Variants in GYG2 observed in about 807,000 individuals in gnomAD.
The protein encoded by GYG2 is glycogenin-2.
Under a neutral mutation model 29.4 loss-of-function variants are expected in GYG2, and 29 were observed. The ratio of observed to expected loss-of-function variants is 0.99; its 90% CI spans 0.74 to 1.35. The LOEUF (loss-of-function observed/expected upper bound fraction) is 1.35, where lower values mean the gene tolerates loss of function less well. GYG2 is among the 40% of genes most tolerant of loss of function. The probability of loss-of-function intolerance (pLI) is 0.00; values close to 1 mark genes in which losing one functional copy is unlikely to be tolerated. For synonymous variants in GYG2, 167 were observed against 172.3 expected (o/e 0.97, Z 0.24); for missense variants, 370 against 385.7 (o/e 0.96, Z 0.34).
intron 9 of GYG2, 39 bp from the exon 10 acceptor site, chrX:2,877,161 A>T (rs756285211): frequency 2.5e-5 from 30 of 1,198,351 alleles, no homozygotes; most frequent in Non-Finnish European, 3.4e-5. Flanking sequence ...AGTTCCCTGC[A>T]GCCCACCGCA....
chrX:2,836,869 A>G (rs1347385018), intron 2 of GYG2, among the ~76,000 whole-genome samples: 2 of 110,799 alleles, frequency 1.8e-5, no homozygotes, highest in Non-Finnish European at 1.9e-5. Flanking sequence ...CAGGAGGCTG[A>G]GGTGGGAGGA....
chrX:2,860,045 C>G lies in GYG2; in HGVS notation c.817C>G (p.Arg273Gly). The G allele has an allele frequency of 1.7e-6, 2 of 1,174,895 alleles. No individual in the cohort carries two copies. Among genetic ancestry groups the G allele is most frequent in the Non-Finnish European group, 2.3e-6 (2 of 868,362 alleles). Residue 273 changes from arginine to glycine, a missense_variant, in exon 7 of 11, where the codon CGC becomes GGC. Coordinates refer to ENST00000398806, the MANE Select transcript of GYG2 (RefSeq NM_001079855.2). ...LYKSVQAGEA[R>G]ASPGHTLCHS... ...TAAAAGCGTCCAAGCGGGGGAAGCA[C>G]GCGCGTCTCCTGGTCACACAGTAAG...
At chrX:2,837,242 GTTC>G (rs765185307) in intron 2 of GYG2, among the ~76,000 whole-genome samples, 49 of 112,036 alleles carry the variant, frequency 4.4e-4, no homozygotes, top group Admixed American at 4.0e-3. Flanking sequence ...TACATTCTCT[GTTC>G]TTCTTCTCTG....
At chrX:2,838,043 T>G (rs1281142171) in intron 2 of GYG2, among the ~76,000 whole-genome samples, 13 of 101,789 alleles carry the variant, frequency 1.3e-4, no homozygotes, top group Non-Finnish European at 2.5e-4. Flanking sequence ...AAAAAAAAAA[T>G]TAAATTAAAT....
intron 5 of GYG2, among the ~76,000 whole-genome samples, chrX:2,855,394 T>C (rs1042978620): frequency 6.2e-5 from 7 of 112,230 alleles, no homozygotes; most frequent in African/African-American, 2.3e-4. Context: ...CTATTCCTTC[T>C]AGGCTACAAA....
At chrX:2,873,741 C>T (rs893642157) in intron 8 of GYG2, among the ~76,000 whole-genome samples, 3 of 111,175 alleles carry the variant, frequency 2.7e-5, no homozygotes. Flanking sequence ...CTAAGCACCC[C>T]GCCCCCAGCC....
At position 2,850,002 on chromosome X, in the gene GYG2, A is replaced by C. The variant is rs190389920; in HGVS notation, c.150-3978A>C. Among the ~76,000 whole-genome samples, 466 of 111,166 alleles carry C rather than the reference A, an allele frequency of 4.2e-3. 3 individuals carry two copies. Among genetic ancestry groups the C allele is most frequent in the African/African-American group, 0.014 (439 of 30,598 alleles). On this transcript the variant is annotated intron_variant, in intron 3 of 10. Transcript: ENST00000398806. ...TGCAGTGGCACATGCCTGTAGTCCCAGTTACTCAGGAGGCTGAGGCGGGAG... is the reference window on the plus strand; with the variant it reads ...TGCAGTGGCACATGCCTGTAGTCCCCGTTACTCAGGAGGCTGAGGCGGGAG...
Position 2,847,149 on chromosome X carries a change from T to C in GYG2, c.149+3795T>C, listed in dbSNP as rs187187857. Among the ~76,000 whole-genome samples the C allele has an allele frequency of 3.6e-5, 4 of 111,520 alleles. No individual in the cohort carries two copies. The East Asian group carries it at 1.1e-3, about 31-fold the overall frequency. ...TATGTTCACTTATTTTAAGAAACTG[T>C]TATAATCTTGACACCCAAACTTGAT... On this transcript the variant is annotated intron_variant, in intron 3 of 10. Coordinates refer to ENST00000398806, the MANE Select transcript of GYG2 (RefSeq NM_001079855.2).
intron 8 of GYG2, among the ~76,000 whole-genome samples, chrX:2,864,466 G>T (rs778585573): frequency 2.7e-5 from 3 of 109,715 alleles, no homozygotes; most frequent in South Asian, 4.0e-4. Flanking sequence ...GCAGAGGGGG[G>T]ACTGAATAGA....
At chrX:2,839,749 A>C (rs183902459) in intron 2 of GYG2, among the ~76,000 whole-genome samples, 8 of 111,931 alleles carry the variant, frequency 7.1e-5, no homozygotes, top group Non-Finnish European at 1.5e-4. Flanking sequence ...GGCGAATTTT[A>C]TGTCATGTGA....
chrX:2,871,510 G>T (rs997152436), intron 8 of GYG2, among the ~76,000 whole-genome samples: 2 of 109,843 alleles, frequency 1.8e-5, no homozygotes. Context: ...CCAACATGGT[G>T]AGACCCCCAT....
chrX:2,847,916 G>A (rs1603459036), intron 3 of GYG2, among the ~76,000 whole-genome samples: 3 of 111,476 alleles, frequency 2.7e-5, no homozygotes, highest in South Asian at 3.7e-4. Flanking sequence ...CCTGGGCTCC[G>A]CCCACCAGAT....
At chrX:2,872,498 G>GAA (rs1334963452) in intron 8 of GYG2, among the ~76,000 whole-genome samples, 1 of 112,363 alleles carries the variant, frequency 8.9e-6, no homozygotes, top group Non-Finnish European at 1.9e-5. Flanking sequence ...AGGGCTGACT[G>GAA]AACTTCTCTT....
In GYG2 at chrX:2,842,935, T is replaced by G. The variant is rs5982883; in HGVS notation, c.8-278T>G. The G allele has an allele frequency of 0.35, 116,046 of 334,107 alleles. 14,037 individuals carry two copies. Among genetic ancestry groups the G allele is most frequent in the South Asian group, 0.43 (12,875 of 30,236 alleles). 27.5% of individuals were successfully genotyped at this position (334,107 alleles called of 1,213,427 possible). The stretch of plus-strand genomic sequence containing the variant: ...GCTCAAGTATCCTCCCACCTCAGCC[T>G]CTCCGAGTAGCTGTAACTGCAGGCC... On this transcript the variant is annotated intron_variant, in intron 2 of 10. Coordinates refer to ENST00000398806, the MANE Select transcript of GYG2 (RefSeq NM_001079855.2).
At chrX:2,873,669 GA>G (rs1349687331) in intron 8 of GYG2, among the ~76,000 whole-genome samples, 1 of 111,247 alleles carries the variant, frequency 9.0e-6, no homozygotes, top group Non-Finnish European at 1.9e-5. Flanking sequence ...TAGATCCCCA[GA>G]ACTTATTTAT....
At chrX:2,877,996 T>C in intron 10 of GYG2, 1 of 752,236 alleles carries the variant, frequency 1.3e-6, no homozygotes, top group Non-Finnish European at 1.6e-6. Context: ...TTGGAGAAAA[T>C]GTGAACTTGT....
At chrX:2,867,531 G>A (rs764837199) in intron 8 of GYG2, among the ~76,000 whole-genome samples, 3 of 111,543 alleles carry the variant, frequency 2.7e-5, no homozygotes, top group Non-Finnish European at 5.7e-5. Context: ...AGACTTGGAC[G>A]CTGAAATGTT....
rs1052267479 is a variant in GYG2, at chrX:2,882,617, A to G, written c.*1404A>G. On this transcript the variant is annotated 3_prime_UTR_variant, in exon 11 of 11. Coordinates refer to ENST00000398806, the MANE Select transcript of GYG2 (RefSeq NM_001079855.2). Reference sequence around the variant, plus strand: ...GATATTTCAGGTGAGTCAGGGTTGGATGGTCATCGGCTTTCAGAAGGAGAC... The same window carrying G: ...GATATTTCAGGTGAGTCAGGGTTGGGTGGTCATCGGCTTTCAGAAGGAGAC... 4.6e-5 allele frequency: 5 copies of G among 109,270 alleles called. No individual in the cohort carries two copies. The highest frequency in any genetic ancestry group is 1.7e-4 in the African/African-American group (5 of 29,877). 9.0% of individuals were successfully genotyped at this position (109,270 alleles called of 1,213,427 possible). A position where few individuals can be genotyped will look rare whatever the true frequency, so the allele number is the denominator to read the frequency against.
rs1436440840 is a variant in GYG2, at chrX:2,860,075, G to A, written c.837+10G>A. The A allele has an allele frequency of 6.4e-6, 7 of 1,097,308 alleles. No homozygotes were observed. The highest frequency in any genetic ancestry group is 2.4e-5 in the Admixed American group (1 of 41,891). 90.4% of individuals were successfully genotyped at this position (1,097,308 alleles called of 1,213,427 possible). A position where few individuals can be genotyped will look rare whatever the true frequency, so the allele number is the denominator to read the frequency against. On this transcript the variant is annotated intron_variant, in intron 7 of 10. Transcript: ENST00000398806. ...GTCTCCTGGTCACACAGTAAGTGGGGGATTCCCTTAAAACCCGTAGCTGAG... is the reference window on the plus strand; with the variant it reads ...GTCTCCTGGTCACACAGTAAGTGGGAGATTCCCTTAAAACCCGTAGCTGAG...
Sources: gnomAD v4.1 joint callset for allele counts (sites outside exome capture counted in the v4.1 genomes callset) on GRCh38, gnomAD v4.1.1 for gene constraint, MANE v1.5 for transcripts, NCBI Gene and HGNC (gene_info 2026-07-23, HGNC 2026-07-21) for gene names.